ZNG1E: variants seen among roughly 807,000 people sequenced by gnomAD.
ZNG1E encodes zinc-regulated GTPase metalloprotein activator 1E.
chr9:65,714,610 C>T, the ZNG1E span, among the ~76,000 whole-genome samples: 6 of 152,090 alleles, frequency 3.9e-5, no homozygotes, highest in East Asian at 3.8e-4. Flanking sequence ...ACAGACAGGA[C>T]CTTCAGCTGC....
At chr9:65,671,797 CA>C in the ZNG1E span, among the ~76,000 whole-genome samples, 6 of 146,654 alleles carry the variant, frequency 4.1e-5, no homozygotes, top group Non-Finnish European at 7.5e-5. Context: ...TGGTGCTTAG[CA>C]TGAGCGACTC....
the ZNG1E span, chr9:65,731,645 A>C: frequency 2.0e-6 from 3 of 1,491,734 alleles, 1 homozygote; most frequent in South Asian, 3.7e-5. Flanking sequence ...TGTTACAATC[A>C]CATTTGAAGT....
At chr9:65,703,907 C>G in the ZNG1E span, 1 of 941,182 alleles carries the variant, frequency 1.1e-6, no homozygotes, top group Non-Finnish European at 1.2e-6. Context: ...GCAGAGGTAG[C>G]CGAAGAATGC....
chr9:65,663,172 C>A, the ZNG1E span, among the ~76,000 whole-genome samples: 1 of 152,270 alleles, frequency 6.6e-6, no homozygotes, highest in Non-Finnish European at 1.5e-5. Flanking sequence ...TGAGGAAGAA[C>A]AAGTAGCTCC....
chr9:65,706,888 A>C, the ZNG1E span: 2 of 145,610 alleles, frequency 1.4e-5, no homozygotes, highest in Non-Finnish European at 3.0e-5. Flanking sequence ...ATATTCACAA[A>C]ATTGGCATGT....
chr9:65,675,721 C>A, the ZNG1E span: 2 of 738,170 alleles, frequency 2.7e-6, no homozygotes, highest in Non-Finnish European at 4.3e-6. Context: ...TCCGCAGCGT[C>A]GCTCAGGTTC....
chr9:65,722,697 A>AT, the ZNG1E span, among the ~76,000 whole-genome samples: 1,082 of 8,370 alleles, frequency 0.13, 388 homozygotes, highest in African/African-American at 0.19. Flanking sequence ...TGCCTAGCTA[A>AT]TTTTTTTTTT....
chr9:65,654,920 C>T, the ZNG1E span, among the ~76,000 whole-genome samples: 3 of 151,386 alleles, frequency 2.0e-5, no homozygotes, highest in South Asian at 2.1e-4. Flanking sequence ...TCCTTAGGAG[C>T]CTAGTGTAGT....
chr9:65,676,863 T>C, the ZNG1E span, among the ~76,000 whole-genome samples: 2 of 146,594 alleles, frequency 1.4e-5, no homozygotes, highest in African/African-American at 5.2e-5. Context: ...TACAGTTAAA[T>C]AGAAGGGCTA....
the ZNG1E span, among the ~76,000 whole-genome samples, chr9:65,659,478 G>C: frequency 4.8e-3 from 645 of 133,758 alleles, no homozygotes; most frequent in African/African-American, 0.018. Flanking sequence ...CTGGGTGACA[G>C]AATGAGACTC....
the ZNG1E span, chr9:65,700,875 A>G: frequency 6.6e-6 from 1 of 151,404 alleles, no homozygotes; most frequent in African/African-American, 2.7e-5. Context: ...TTAACTGTCA[A>G]CCATGCCTTG....
chr9:65,698,884 A>G, the ZNG1E span, among the ~76,000 whole-genome samples: 1 of 141,242 alleles, frequency 7.1e-6, no homozygotes, highest in South Asian at 2.2e-4. Context: ...ATATATATAT[A>G]TATGTGTAAT....
the ZNG1E span, chr9:65,679,412 G>A: frequency 7.4e-6 from 2 of 271,666 alleles, no homozygotes; most frequent in Middle Eastern, 1.1e-3. Context: ...ATTTATATGG[G>A]TTGAGATACT....
chr9:65,664,076 T>C, the ZNG1E span, among the ~76,000 whole-genome samples: 628 of 152,202 alleles, frequency 4.1e-3, 3 homozygotes, highest in East Asian at 0.071. Context: ...TGCATACTTA[T>C]GAACAAATTG....
At chr9:65,703,700 C>G in the ZNG1E span, 2 of 967,436 alleles carry the variant, frequency 2.1e-6, no homozygotes, top group Non-Finnish European at 2.4e-6. Flanking sequence ...TAGTTCTACT[C>G]AGTCTCTACT....
At chr9:65,661,739 G>A in the ZNG1E span, among the ~76,000 whole-genome samples, 8 of 152,208 alleles carry the variant, frequency 5.3e-5, no homozygotes, top group South Asian at 2.1e-4. Context: ...CAGACCAATG[G>A]TTACCTGGGG....
the ZNG1E span, among the ~76,000 whole-genome samples, chr9:65,705,089 A>G: frequency 6.6e-6 from 1 of 150,590 alleles, no homozygotes; most frequent in Non-Finnish European, 1.5e-5. Flanking sequence ...CACCTTGAGT[A>G]GTTAAGATTA....
the ZNG1E span, among the ~76,000 whole-genome samples, chr9:65,660,604 T>C: frequency 1.1e-4 from 16 of 152,046 alleles, no homozygotes; most frequent in Admixed American, 2.0e-4. Context: ...TTACTAAGGC[T>C]AAATAAACAA....
chr9:65,709,970 A>G, the ZNG1E span, among the ~76,000 whole-genome samples: 3 of 150,606 alleles, frequency 2.0e-5, no homozygotes, highest in African/African-American at 7.4e-5. Flanking sequence ...AGTCCCGCCA[A>G]CAGTGTAAAA....
Sources: allele counts gnomAD v4.1 joint callset (sites outside exome capture counted in the v4.1 genomes callset), GRCh38; gene constraint gnomAD v4.1.1; transcripts MANE v1.5; gene names NCBI Gene and HGNC (gene_info 2026-07-23, HGNC 2026-07-21).